Variants in GSK3B observed in about 807,000 individuals in gnomAD.
GSK3B encodes glycogen synthase kinase-3 beta.
In GSK3B, 15 loss-of-function variants were observed where a neutral mutation model predicts 56.4. The ratio of observed to expected loss-of-function variants is 0.27; its 90% CI spans 0.18 to 0.41. GSK3B has a LOEUF of 0.41. GSK3B is among the 10% of genes least tolerant of loss of function. The probability of loss-of-function intolerance (pLI) is 1.00; values close to 1 mark genes in which losing one functional copy is unlikely to be tolerated. For synonymous variants in GSK3B, 181 were observed against 188.9 expected (o/e 0.96, Z 0.34); for missense variants, 300 against 513.4 (o/e 0.58, Z 4.02).
Position 119,822,264 on chromosome 3 carries a change from T to C in GSK3B, c.*4524A>G, listed in dbSNP as rs1263576171. 5.8e-6 allele frequency: 1 copy of C among 171,876 alleles called. No homozygotes were observed. Among genetic ancestry groups the C allele is most frequent in the African/African-American group, 2.4e-5 (1 of 41,714 alleles). The allele number at this position is 171,876 out of a possible 1,614,324, so 10.6% of individuals were successfully genotyped here. On this transcript the variant is annotated 3_prime_UTR_variant, in exon 11 of 11. Transcript: ENST00000264235. The stretch of plus-strand genomic sequence containing the variant: ...TCCTTTATATATATATATATATATA[T>C]ATAATAAATTTTGTTTTTTAGGTTT...
chr3:119,847,303 A>G (rs2055869255), intron 9 of GSK3B, among the ~76,000 whole-genome samples: 1 of 149,786 alleles, frequency 6.7e-6, no homozygotes, highest in African/African-American at 2.5e-5. Flanking sequence ...TCATAAAAAA[A>G]GAATAAGTTT....
chr3:119,918,564 A>C (rs915711074), intron 4 of GSK3B, among the ~76,000 whole-genome samples: 3 of 152,162 alleles, frequency 2.0e-5, no homozygotes, highest in African/African-American at 7.2e-5. Flanking sequence ...CTCAAATATA[A>C]TTAACACACT....
intron 1 of GSK3B, among the ~76,000 whole-genome samples, chr3:120,068,332 A>C (rs1213738984): frequency 1.3e-5 from 2 of 148,858 alleles, no homozygotes; most frequent in African/African-American, 2.5e-5. Context: ...CGGAGGTTGC[A>C]GTGAGCTGAG....
intron 1 of GSK3B, among the ~76,000 whole-genome samples, chr3:120,074,512 C>T (rs146013729): frequency 1.8e-3 from 276 of 151,930 alleles, no homozygotes; most frequent in African/African-American, 3.9e-3. Flanking sequence ...CCACCACACC[C>T]GGCTAATTTT....
intron 2 of GSK3B, among the ~76,000 whole-genome samples, chr3:119,953,706 T>A (rs543162684): frequency 6.6e-6 from 1 of 152,288 alleles, no homozygotes; most frequent in African/African-American, 2.4e-5. Flanking sequence ...TCATTCCCAA[T>A]TCTAAACCAA....
chr3:120,075,204 C>CA, intron 1 of GSK3B, among the ~76,000 whole-genome samples: 1 of 152,244 alleles, frequency 6.6e-6, no homozygotes. Flanking sequence ...AACTCTTTAA[C>CA]AGTTTAAATA....
intron 2 of GSK3B, among the ~76,000 whole-genome samples, chr3:119,986,905 T>G: frequency 6.6e-6 from 1 of 151,968 alleles, no homozygotes; most frequent in Non-Finnish European, 1.5e-5. Flanking sequence ...GTGGCACTAT[T>G]CACAAGACTT....
intron 1 of GSK3B, among the ~76,000 whole-genome samples, chr3:120,053,328 C>T (rs954990464): frequency 2.6e-5 from 4 of 152,156 alleles, no homozygotes; most frequent in Admixed American, 2.0e-4. Context: ...CAGAGTGAGA[C>T]ACTGGCTCAA....
intron 8 of GSK3B, among the ~76,000 whole-genome samples, chr3:119,867,702 TG>T (rs1447467584): frequency 6.6e-6 from 1 of 152,076 alleles, no homozygotes; most frequent in Non-Finnish European, 1.5e-5. Flanking sequence ...GAACAAAAAA[TG>T]GCAGAACTCA....
At chr3:119,849,440 A>C (rs2055899322) in intron 9 of GSK3B, among the ~76,000 whole-genome samples, 1 of 152,260 alleles carries the variant, frequency 6.6e-6, no homozygotes, top group Non-Finnish European at 1.5e-5. Context: ...CCTAAAAATG[A>C]AAAGAGGACC....
intron 8 of GSK3B, among the ~76,000 whole-genome samples, chr3:119,874,164 T>C (rs1338552182): frequency 6.6e-6 from 1 of 152,124 alleles, no homozygotes; most frequent in Non-Finnish European, 1.5e-5. Flanking sequence ...GTTAGAGAGA[T>C]ATAATTCAGG....
intron 7 of GSK3B, among the ~76,000 whole-genome samples, chr3:119,879,739 TG>T (rs1310166477): frequency 6.6e-6 from 1 of 152,198 alleles, no homozygotes; most frequent in East Asian, 1.9e-4. Context: ...ACTGAGAATA[TG>T]CGAAGTTTGT....
intron 1 of GSK3B, among the ~76,000 whole-genome samples, chr3:120,085,096 A>C (rs1314881279): frequency 6.6e-6 from 1 of 152,220 alleles, no homozygotes; most frequent in Non-Finnish European, 1.5e-5. Context: ...GACTTCACTG[A>C]ATATCTTTAA....
intron 9 of GSK3B, among the ~76,000 whole-genome samples, chr3:119,857,158 A>G (rs899575380): frequency 2.0e-5 from 3 of 152,190 alleles, no homozygotes; most frequent in Non-Finnish European, 4.4e-5. Context: ...CTTTATGTCG[A>G]TGGCTGCTGA....
intron 1 of GSK3B, among the ~76,000 whole-genome samples, chr3:120,053,249 A>C (rs554687520): frequency 6.6e-6 from 1 of 152,324 alleles, no homozygotes; most frequent in African/African-American, 2.4e-5. Context: ...AGGCAGAAGA[A>C]TCACTCAAAT....
intron 8 of GSK3B, among the ~76,000 whole-genome samples, chr3:119,875,113 G>A (rs577091866): frequency 6.6e-6 from 1 of 152,194 alleles, no homozygotes; most frequent in Non-Finnish European, 1.5e-5. Context: ...CAAGATCGTG[G>A]TCTGTTGGCC....
chr3:120,011,783 A>G (rs2057780581), intron 1 of GSK3B, among the ~76,000 whole-genome samples: 1 of 152,230 alleles, frequency 6.6e-6, no homozygotes, highest in East Asian at 1.9e-4. Context: ...CAACTTGGCA[A>G]TAAGATAACA....
intron 1 of GSK3B, among the ~76,000 whole-genome samples, chr3:120,076,347 A>G (rs1375434043): frequency 1.3e-5 from 2 of 152,228 alleles, no homozygotes; most frequent in Non-Finnish European, 2.9e-5. Flanking sequence ...ATGTAAAAAT[A>G]GATGAGACTA....
At chr3:119,915,994 AG>A (rs1160301295) in intron 5 of GSK3B, 49 bp downstream of exon 5, 1 of 1,291,178 alleles carries the variant, frequency 7.7e-7, no homozygotes, top group Non-Finnish European at 1.1e-6. Context: ...AGAAGATAGT[AG>A]GGGGAGGAGG....
Sources: gnomAD v4.1 joint callset for allele counts (sites outside exome capture counted in the v4.1 genomes callset) on GRCh38, gnomAD v4.1.1 for gene constraint, MANE v1.5 for transcripts, NCBI Gene and HGNC (gene_info 2026-07-23, HGNC 2026-07-21) for gene names.